Variants in CFAP299 observed in about 807,000 individuals in gnomAD.
CFAP299 encodes cilia- and flagella-associated protein 299.
A neutral mutation model predicts 27.0 loss-of-function variants in CFAP299; 21 were observed. The observed-to-expected ratio is 0.78, with a 90% CI of 0.55 to 1.12. The LOEUF is 1.12. Ranked by LOEUF, CFAP299 falls within the 50% of genes most tolerant of loss-of-function variation. The pLI is 0.00. For synonymous variants in CFAP299, 104 were observed against 98.1 expected (o/e 1.06, Z -0.36); for missense variants, 310 against 276.6 (o/e 1.12, Z -0.86).
intron 2 of CFAP299, among the ~76,000 whole-genome samples, chr4:80,463,989 A>G (rs1578474614): frequency 2.0e-5 from 3 of 152,230 alleles, no homozygotes; most frequent in Non-Finnish European, 4.4e-5. Context: ...GATTTTAAAT[A>G]GAAATGCATA....
intron 3 of CFAP299, among the ~76,000 whole-genome samples, chr4:80,835,967 C>T (rs1730540476): frequency 6.6e-6 from 1 of 152,124 alleles, no homozygotes; most frequent in East Asian, 1.9e-4. Flanking sequence ...TTCTATGATA[C>T]CTTTATATTA....
intron 2 of CFAP299, among the ~76,000 whole-genome samples, chr4:80,443,040 G>T (rs1312353194): frequency 6.6e-6 from 1 of 152,142 alleles, no homozygotes; most frequent in East Asian, 1.9e-4. Context: ...TGAGACAGTA[G>T]TTAATAGCCT....
intron 3 of CFAP299, among the ~76,000 whole-genome samples, chr4:80,677,901 C>G (rs1719574334): frequency 6.6e-6 from 1 of 152,014 alleles, no homozygotes; most frequent in South Asian, 2.1e-4. Context: ...CATTTCAAGC[C>G]AAAATTGTTT....
intron 3 of CFAP299, among the ~76,000 whole-genome samples, chr4:80,631,859 G>GT (rs34615962): frequency 4.7e-5 from 1 of 21,470 alleles, no homozygotes; most frequent in Non-Finnish European, 9.2e-5. Flanking sequence ...GAATATTTGT[G>GT]CCCCACCCCC....
intron 3 of CFAP299, among the ~76,000 whole-genome samples, chr4:80,695,017 C>T (rs576306895): frequency 1.3e-5 from 2 of 152,128 alleles, no homozygotes; most frequent in East Asian, 1.9e-4. Flanking sequence ...TCTAACAAAC[C>T]CTTTACACTC....
At chr4:80,935,984 G>A (rs1736868869) in intron 4 of CFAP299, among the ~76,000 whole-genome samples, 1 of 152,160 alleles carries the variant, frequency 6.6e-6, no homozygotes, top group South Asian at 2.1e-4. Flanking sequence ...CTGATCATTA[G>A]AGAAATGCAA....
chr4:80,758,041 G>T (rs879694668), intron 3 of CFAP299, among the ~76,000 whole-genome samples: 18 of 152,212 alleles, frequency 1.2e-4, no homozygotes, highest in Non-Finnish European at 2.6e-4. Flanking sequence ...TGAAGCCCCA[G>T]AAGAAGGTTC....
intron 3 of CFAP299, among the ~76,000 whole-genome samples, chr4:80,690,150 C>G (rs1365115427): frequency 7.0e-6 from 1 of 141,886 alleles, no homozygotes; most frequent in Non-Finnish European, 1.5e-5. Flanking sequence ...AGAAAATCAA[C>G]AAGGATACCC....
chr4:80,478,186 A>G (rs900990165), intron 2 of CFAP299, among the ~76,000 whole-genome samples: 19 of 152,312 alleles, frequency 1.2e-4, no homozygotes, highest in African/African-American at 4.1e-4. Flanking sequence ...TTGTATGCCA[A>G]CTTTTAAAAC....
intron 3 of CFAP299, among the ~76,000 whole-genome samples, chr4:80,777,621 A>G (rs925225852): frequency 6.6e-6 from 1 of 152,160 alleles, no homozygotes; most frequent in Non-Finnish European, 1.5e-5. Flanking sequence ...AGGAGGAGGA[A>G]TTATCTTGAA....
At chr4:80,917,986 A>G (rs1484851142) in intron 4 of CFAP299, among the ~76,000 whole-genome samples, 1 of 152,184 alleles carries the variant, frequency 6.6e-6, no homozygotes, top group Non-Finnish European at 1.5e-5. Flanking sequence ...ACCTGTCCAG[A>G]TTAGTGGCAT....
chr4:80,764,090 A>G (rs1725704490), intron 3 of CFAP299, among the ~76,000 whole-genome samples: 1 of 152,188 alleles, frequency 6.6e-6, no homozygotes, highest in South Asian at 2.1e-4. Context: ...CAACAAAGCA[A>G]AATTGACAAA....
At chr4:80,531,468 C>G (rs1434214335) in intron 2 of CFAP299, among the ~76,000 whole-genome samples, 3 of 152,182 alleles carry the variant, frequency 2.0e-5, no homozygotes, top group Non-Finnish European at 4.4e-5. Context: ...CTCCAGGGAA[C>G]TAGGCACCAC....
chr4:80,864,024 G>A (rs1016945778), intron 3 of CFAP299, among the ~76,000 whole-genome samples: 16 of 151,886 alleles, frequency 1.1e-4, no homozygotes. Context: ...GTGGAGATAG[G>A]GATGGCTACA....
intron 3 of CFAP299, among the ~76,000 whole-genome samples, chr4:80,610,370 T>C (rs1423293797): frequency 6.6e-6 from 1 of 152,004 alleles, no homozygotes; most frequent in East Asian, 1.9e-4. Context: ...ATATTCACAT[T>C]TAAGAAAGCA....
At chr4:80,683,735 G>T (rs1417623901) in intron 3 of CFAP299, among the ~76,000 whole-genome samples, 1 of 152,102 alleles carries the variant, frequency 6.6e-6, no homozygotes, top group Non-Finnish European at 1.5e-5. Context: ...ATGGTGTATG[G>T]TTTTTGTGTT....
At chr4:80,646,161 T>G (rs1740000358) in intron 3 of CFAP299, among the ~76,000 whole-genome samples, 1 of 152,226 alleles carries the variant, frequency 6.6e-6, no homozygotes, top group Non-Finnish European at 1.5e-5. Context: ...CTCCAGTGTC[T>G]GTCATCTTGC....
intron 5 of CFAP299, among the ~76,000 whole-genome samples, chr4:80,946,322 G>A (rs1186024584): frequency 6.6e-6 from 1 of 152,134 alleles, no homozygotes; most frequent in African/African-American, 2.4e-5. Flanking sequence ...GGGCCAGGGT[G>A]ATCCTCATTT....
intron 2 of CFAP299, among the ~76,000 whole-genome samples, chr4:80,464,496 A>C (rs899438333): frequency 1.1e-4 from 17 of 152,218 alleles, no homozygotes; most frequent in Non-Finnish European, 2.5e-4. Flanking sequence ...AGAGCTTTAC[A>C]GATGGAGTAT....
Sources: gnomAD v4.1 joint callset for allele counts (sites outside exome capture counted in the v4.1 genomes callset) on GRCh38, gnomAD v4.1.1 for gene constraint, MANE v1.5 for transcripts, NCBI Gene and HGNC (gene_info 2026-07-23, HGNC 2026-07-21) for gene names.